The following CPED1 variants were observed in gnomAD, a reference collection of about 807,000 sequenced individuals.
The protein encoded by CPED1 is cadherin-like and PC-esterase domain-containing protein 1.
Under a neutral mutation model 128.2 loss-of-function variants are expected in CPED1, and 114 were observed. The observed-to-expected ratio is 0.89, with a 90% CI of 0.76 to 1.04. The LOEUF (loss-of-function observed/expected upper bound fraction) is 1.04, where lower values mean the gene tolerates loss of function less well. Among genes scored for constraint, CPED1 ranks in the 50% least tolerant of loss-of-function variants. The pLI, the probability that CPED1 is intolerant of heterozygous loss-of-function variation, is 0.00. For missense variants in CPED1, 1,211 were observed against 1,207.1 expected (o/e 1.00, Z -0.05); for synonymous variants, 462 against 426.7 (o/e 1.08, Z -1.02).
At chr7:121,079,608 A>G (rs887164657) in intron 5 of CPED1, among the ~76,000 whole-genome samples, 3 of 152,220 alleles carry the variant, frequency 2.0e-5, no homozygotes, top group African/African-American at 7.2e-5. Flanking sequence ...ATAGCTTTAT[A>G]CTTTGCTTTG....
At chr7:121,095,704 G>A (rs75911742) in intron 5 of CPED1, among the ~76,000 whole-genome samples, 8 of 152,134 alleles carry the variant, frequency 5.3e-5, no homozygotes, top group Non-Finnish European at 1.0e-4. Context: ...TTCATGTATA[G>A]CTCCACTTGA....
At chr7:121,199,640 G>A (rs545445292) in intron 16 of CPED1, among the ~76,000 whole-genome samples, 1 of 127,256 alleles carries the variant, frequency 7.9e-6, no homozygotes, top group Non-Finnish European at 1.6e-5. Flanking sequence ...TCATGCCACT[G>A]CACTCCAGCC....
rs138021962 is a variant in CPED1, at chr7:121,063,044, G to T, written c.541-1194G>T. ...AAAAAGGACTAATAAACACTTTGGTGTCCTTGTGGACTTTTACAATGTAGT... is the reference window on the plus strand; with the variant it reads ...AAAAAGGACTAATAAACACTTTGGTTTCCTTGTGGACTTTTACAATGTAGT... On this transcript the variant is annotated intron_variant, in intron 4 of 22. Transcript: ENST00000310396. The T allele has an allele frequency of 1.4e-4, 21 of 152,290 alleles. No individual in the cohort carries two copies. The East Asian group carries it at 4.1e-3, about 29-fold the overall frequency. The allele number at this position is 152,290 out of a possible 1,614,324, so 9.4% of individuals were successfully genotyped here.
At chr7:121,129,313 G>GTATATGTA (rs1554438805) in intron 11 of CPED1, among the ~76,000 whole-genome samples, 1 of 26,834 alleles carries the variant, frequency 3.7e-5, no homozygotes, top group Non-Finnish European at 9.2e-5. Context: ...ATATATATAC[G>GTATATGTA]TATATATATA....
intron 16 of CPED1, among the ~76,000 whole-genome samples, chr7:121,176,907 T>C (rs114508263): frequency 4.1e-4 from 63 of 152,220 alleles, no homozygotes; most frequent in African/African-American, 1.4e-3. Context: ...TCTGTGATAA[T>C]AGTGACTAGA....
At chr7:121,032,526 G>C (rs1792759630) in intron 3 of CPED1, among the ~76,000 whole-genome samples, 2 of 149,752 alleles carry the variant, frequency 1.3e-5, no homozygotes, top group Admixed American at 1.3e-4. Flanking sequence ...ATACCGCGGG[G>C]GGGGCCTGTC....
At chr7:121,091,522 T>C (rs776412448) in intron 5 of CPED1, among the ~76,000 whole-genome samples, 1 of 152,186 alleles carries the variant, frequency 6.6e-6, no homozygotes, top group Non-Finnish European at 1.5e-5. Context: ...TTGTAGCTAC[T>C]CTTTGAAATT....
rs1292405461 is a variant in CPED1 at position 121,047,703 on chromosome 7, CTTCTTCTTCTTCTTT to C, written c.540+713_540+727del. Among the ~76,000 whole-genome samples the C allele has an allele frequency of 3.1e-4, 26 of 84,864 alleles. No individual in the cohort carries two copies. The East Asian group carries it at 5.8e-3, about 19-fold the overall frequency. The allele number at this position is 84,864 out of a possible 152,430, so 55.7% of individuals were successfully genotyped here. ...TCTTCTTCTTCTTCTTCTTCTTCTT[CTTCTTCTTCTTCTTT>C]TTTTTTTTTTGAGACGTAATCTTGC... On this transcript the variant is annotated intron_variant, in intron 4 of 22. Transcript: ENST00000310396.
intron 9 of CPED1, among the ~76,000 whole-genome samples, chr7:121,126,373 T>G (rs929373100): frequency 3.3e-5 from 5 of 152,084 alleles, no homozygotes; most frequent in African/African-American, 1.2e-4. Flanking sequence ...TTTTTGCCCA[T>G]TTTGATTCTT....
At chr7:121,080,493 T>A (rs993486459) in intron 5 of CPED1, among the ~76,000 whole-genome samples, 8 of 152,134 alleles carry the variant, frequency 5.3e-5, no homozygotes, top group African/African-American at 1.4e-4. Flanking sequence ...GTGGTCAAAC[T>A]TTTTATTTTG....
At chr7:121,047,862 G>T (rs2116907927) in intron 4 of CPED1, among the ~76,000 whole-genome samples, 1 of 151,630 alleles carries the variant, frequency 6.6e-6, no homozygotes. Context: ...GTAGTCCCAC[G>T]CCCGGCTAAT....
At chr7:121,130,703 C>CT (rs1198837391) in intron 12 of CPED1, among the ~76,000 whole-genome samples, 4 of 150,948 alleles carry the variant, frequency 2.6e-5, no homozygotes, top group Non-Finnish European at 5.9e-5. Flanking sequence ...TGAGGTGTGA[C>CT]TTTTTTCTGA....
intron 4 of CPED1, among the ~76,000 whole-genome samples, chr7:121,058,049 T>C (rs1018319046): frequency 3.3e-5 from 5 of 151,040 alleles, no homozygotes; most frequent in Admixed American, 6.6e-5. Flanking sequence ...AGGCCTACAG[T>C]AAAGGGAGAA....
At chr7:121,017,252 C>A (rs2116818351) in intron 3 of CPED1, among the ~76,000 whole-genome samples, 1 of 152,190 alleles carries the variant, frequency 6.6e-6, no homozygotes, top group East Asian at 1.9e-4. Flanking sequence ...AAGCACTGAG[C>A]TTCTGGGAGC....
rs1794095455 is a variant in CPED1, at chr7:121,075,269, C to G, written c.616+10956C>G. On this transcript the variant is annotated intron_variant, in intron 5 of 22. Transcript: ENST00000310396. ...TTGCTCAGGAGAAAATGATTAGCAT[C>G]ACAAGTCATTTTAAGCAAACACTGG... Among the ~76,000 whole-genome samples the G allele has an allele frequency of 3.9e-5, 6 of 152,242 alleles. No individual in the cohort carries two copies. The South Asian group carries it at 1.2e-3, about 32-fold the overall frequency.
At chr7:121,252,934 G>C (rs77345085) in intron 18 of CPED1, among the ~76,000 whole-genome samples, 2 of 151,802 alleles carry the variant, frequency 1.3e-5, no homozygotes, top group Admixed American at 6.6e-5. Flanking sequence ...ACTAGAAATA[G>C]CATTTGACCC....
intron 2 of CPED1, among the ~76,000 whole-genome samples, chr7:121,003,045 A>T (rs575351793): frequency 2.2e-4 from 34 of 152,330 alleles, no homozygotes; most frequent in Middle Eastern, 3.4e-3. Flanking sequence ...AATATGTCGA[A>T]TGAATGGATG....
chr7:121,019,084 G>A (rs1346080874), intron 3 of CPED1, among the ~76,000 whole-genome samples: 1 of 151,936 alleles, frequency 6.6e-6, no homozygotes, highest in Non-Finnish European at 1.5e-5. Context: ...ATTTGATTTA[G>A]TTTTCCTATG....
At chr7:121,207,438 G>A (rs897739315) in intron 16 of CPED1, among the ~76,000 whole-genome samples, 3 of 152,008 alleles carry the variant, frequency 2.0e-5, no homozygotes, top group African/African-American at 7.2e-5. Flanking sequence ...TCCCAGTCCT[G>A]TGACTCAGTG....
Sources: allele counts gnomAD v4.1 joint callset (sites outside exome capture counted in the v4.1 genomes callset), GRCh38; gene constraint gnomAD v4.1.1; transcripts MANE v1.5; gene names NCBI Gene and HGNC (gene_info 2026-07-23, HGNC 2026-07-21).